Variants in PDE4D observed in about 807,000 individuals in gnomAD.
PDE4D encodes 3',5'-cyclic-AMP phosphodiesterase 4D.
Under a neutral mutation model 87.4 loss-of-function variants are expected in PDE4D, and 24 were observed. The observed-to-expected ratio is 0.27, with a 90% CI of 0.20 to 0.39. PDE4D has a LOEUF of 0.39. Among genes scored for constraint, PDE4D ranks in the 10% least tolerant of loss-of-function variants. The pLI is 1.00. For missense variants in PDE4D, 714 were observed against 1,041.0 expected (o/e 0.69, Z 4.32); for synonymous variants, 384 against 383.2 (o/e 1.00, Z -0.02).
At chr5:59,029,414 C>CTCAAAAAAAAAAAAAAAA (rs1756882885) in intron 6 of PDE4D, among the ~76,000 whole-genome samples, 1 of 16,594 alleles carries the variant, frequency 6.0e-5, no homozygotes, top group Non-Finnish European at 1.3e-4. Flanking sequence ...GAGACTCCAT[C>CTCAAAAAAAAAAAAAAAA]ACAAAAAAAA....
chr5:59,975,416 T>G (rs1029617273), intron 3 of PDE4D, among the ~76,000 whole-genome samples: 1 of 152,240 alleles, frequency 6.6e-6, no homozygotes, highest in Non-Finnish European at 1.5e-5. Flanking sequence ...TTTTGTTTGC[T>G]CAGTTATTCT....
intron 1 of PDE4D, among the ~76,000 whole-genome samples, chr5:59,884,597 T>C (rs1749903088): frequency 1.3e-5 from 2 of 152,026 alleles, no homozygotes; most frequent in South Asian, 4.1e-4. Context: ...ATATGTAATA[T>C]TGCAATATAG....
rs1249944398 is a variant in PDE4D at position 58,974,659 on chromosome 5, C to A, written c.*5G>T. 1 of 1,526,950 alleles carries A rather than the reference C, an allele frequency of 6.5e-7. No individual in the cohort carries two copies. The allele number at this position is 1,526,950 out of a possible 1,614,324, so 94.6% of individuals were successfully genotyped here. ...AAAAAAAAAGGCATGAAAGTTTTTG[C>A]ACTGTTACGTGTCAGGAGAACGATC... On this transcript the variant is annotated 3_prime_UTR_variant, in exon 15 of 15. Transcript: ENST00000340635.
rs1362723148 is a variant in PDE4D, at chr5:60,197,121, A to ATAGAT, written c.-89-11439_-89-11435dup. Among the ~76,000 whole-genome samples, 3 of 150,800 alleles carry ATAGAT rather than the reference A, an allele frequency of 2.0e-5. 1 individual carries two copies. Among genetic ancestry groups the ATAGAT allele is most frequent in the Non-Finnish European group, 4.4e-5 (3 of 67,622 alleles). On this transcript the variant is annotated intron_variant, in intron 1 of 16. Transcript: ENST00000502484. ...GATAGATAGATAGATAGATAGATAG[A>ATAGAT]TAGATTAGATAGGAATAGGTAGCTG...
At chr5:59,295,351 A>G (rs1387174356) in intron 1 of PDE4D, among the ~76,000 whole-genome samples, 1 of 152,166 alleles carries the variant, frequency 6.6e-6, no homozygotes, top group East Asian at 1.9e-4. Flanking sequence ...TGGAAGTTGT[A>G]TTTGGTGTTA....
intron 2 of PDE4D, among the ~76,000 whole-genome samples, chr5:60,111,738 A>G (rs1266601556): frequency 6.6e-6 from 1 of 152,006 alleles, no homozygotes; most frequent in Non-Finnish European, 1.5e-5. Context: ...GGTTTTCTAC[A>G]AAGACATATA....
intron 1 of PDE4D, among the ~76,000 whole-genome samples, chr5:59,762,371 CAT>C (rs1012217255): frequency 1.3e-5 from 1 of 74,176 alleles, no homozygotes; most frequent in Non-Finnish European, 2.8e-5. Flanking sequence ...TATGGGTACA[CAT>C]GTGTATATGT....
At chr5:59,656,217 T>G (rs1744332897) in intron 1 of PDE4D, among the ~76,000 whole-genome samples, 1 of 151,972 alleles carries the variant, frequency 6.6e-6, no homozygotes, top group South Asian at 2.1e-4. Flanking sequence ...CATTCAAATA[T>G]ACACACATCA....
chr5:59,808,848 C>T (rs1280174631), intron 1 of PDE4D, among the ~76,000 whole-genome samples: 1 of 152,052 alleles, frequency 6.6e-6, no homozygotes, highest in Non-Finnish European at 1.5e-5. Flanking sequence ...CCAAGTTCTT[C>T]TGTAAAGACA....
intron 11 of PDE4D, among the ~76,000 whole-genome samples, chr5:58,984,861 A>G (rs1020560969): frequency 1.3e-5 from 2 of 152,180 alleles, no homozygotes; most frequent in Non-Finnish European, 2.9e-5. Flanking sequence ...TATACCCTCC[A>G]GCATTTTATA....
At chr5:59,723,372 A>T (rs1756131227) in intron 1 of PDE4D, among the ~76,000 whole-genome samples, 1 of 152,148 alleles carries the variant, frequency 6.6e-6, no homozygotes, top group Admixed American at 6.6e-5. Context: ...ACCTCATAGA[A>T]TGTGGTAAAA....
At chr5:60,018,632 G>A (rs577535017) in intron 2 of PDE4D, among the ~76,000 whole-genome samples, 1 of 152,250 alleles carries the variant, frequency 6.6e-6, no homozygotes, top group Admixed American at 6.5e-5. Flanking sequence ...TCAAAATAAA[G>A]GGATGGAGGA....
At chr5:60,519,734 ACAG>A (rs1750953652) in intron 1 of PDE4D, among the ~76,000 whole-genome samples, 1 of 152,264 alleles carries the variant, frequency 6.6e-6, no homozygotes, top group Admixed American at 6.5e-5. Context: ...TTGAAAAAGC[ACAG>A]CAGAATACCT....
At chr5:59,658,464 C>A (rs1744729919) in intron 1 of PDE4D, among the ~76,000 whole-genome samples, 1 of 152,058 alleles carries the variant, frequency 6.6e-6, no homozygotes, top group African/African-American at 2.4e-5. Context: ...TCACTGCAAG[C>A]TCTGCCTTCT....
intron 1 of PDE4D, among the ~76,000 whole-genome samples, chr5:59,709,120 A>AT (rs1753850536): frequency 6.6e-6 from 1 of 152,120 alleles, no homozygotes; most frequent in South Asian, 2.1e-4. Flanking sequence ...CATGGAAGTA[A>AT]AGGAACTCGA....
chr5:59,751,498 G>A (rs565064374), intron 1 of PDE4D, among the ~76,000 whole-genome samples: 1 of 151,938 alleles, frequency 6.6e-6, no homozygotes, highest in Admixed American at 6.6e-5. Flanking sequence ...AACTCAAAAT[G>A]TCACTTCCTG....
At chr5:60,295,567 T>C (rs895107095) in intron 1 of PDE4D, among the ~76,000 whole-genome samples, 2 of 152,140 alleles carry the variant, frequency 1.3e-5, no homozygotes, top group Non-Finnish European at 2.9e-5. Flanking sequence ...GCAGGATGTT[T>C]AGCAGCAACC....
At chr5:59,587,504 C>T (rs1456121162) in intron 1 of PDE4D, 35 of 985,284 alleles carry the variant, frequency 3.6e-5, no homozygotes, top group Non-Finnish European at 4.2e-5. Context: ...AGTCCCCCAG[C>T]GCCGAATTTC....
chr5:59,612,590 G>T (rs1160404160), intron 1 of PDE4D, among the ~76,000 whole-genome samples: 1 of 152,132 alleles, frequency 6.6e-6, no homozygotes, highest in East Asian at 1.9e-4. Context: ...AAGAAAAAGT[G>T]AAATCTATAT....
Sources: allele counts gnomAD v4.1 joint callset (sites outside exome capture counted in the v4.1 genomes callset), GRCh38; gene constraint gnomAD v4.1.1; transcripts MANE v1.5; gene names NCBI Gene and HGNC (gene_info 2026-07-23, HGNC 2026-07-21).